The following ZNF469 variants were observed in gnomAD, a reference collection of about 807,000 sequenced individuals.
ZNF469 encodes the protein zinc finger protein 469.
A neutral mutation model predicts 1.0 loss-of-function variants in ZNF469; 1 was observed. The observed-to-expected ratio is 1.00, with a 90% CI of 0.35 to 4.73. The LOEUF is 4.73. Ranked by LOEUF, ZNF469 falls within the 30% of genes most tolerant of loss-of-function variation. The pLI is 0.16. For synonymous variants in ZNF469, 2,703 were observed against 2,363.4 expected (o/e 1.14, Z -4.17); for missense variants, 6,100 against 5,356.3 (o/e 1.14, Z -4.33).
At chr16:88,349,406 C>T in the ZNF469 span, among the ~76,000 whole-genome samples, 1 of 150,740 alleles carries the variant, frequency 6.6e-6, no homozygotes, top group Non-Finnish European at 1.5e-5. Flanking sequence ...ACACCAGGCA[C>T]CACACACACC....
chr16:88,319,295 T>G, the ZNF469 span, among the ~76,000 whole-genome samples: 1 of 152,104 alleles, frequency 6.6e-6, no homozygotes, highest in Non-Finnish European at 1.5e-5. Context: ...TCCTCACCAG[T>G]GTCGCCTAAA....
chr16:88,158,054 G>T, the ZNF469 span, among the ~76,000 whole-genome samples: 4 of 152,024 alleles, frequency 2.6e-5, no homozygotes, highest in Admixed American at 6.5e-5. Flanking sequence ...TGCTCCGGGG[G>T]TCTGCTCTTG....
chr16:88,312,478 C>T, the ZNF469 span, among the ~76,000 whole-genome samples: 1 of 152,216 alleles, frequency 6.6e-6, no homozygotes, highest in African/African-American at 2.4e-5. Flanking sequence ...CTCCCCAATT[C>T]TTCACTTGCT....
the ZNF469 span, among the ~76,000 whole-genome samples, chr16:88,172,847 A>G: frequency 6.6e-6 from 1 of 152,256 alleles, no homozygotes; most frequent in African/African-American, 2.4e-5. Flanking sequence ...GATTCACAGA[A>G]TAGAAGAAAA....
At chr16:88,120,125 G>T in the ZNF469 span, among the ~76,000 whole-genome samples, 2 of 152,190 alleles carry the variant, frequency 1.3e-5, no homozygotes, top group Non-Finnish European at 2.9e-5. Flanking sequence ...CCCGTGGAGG[G>T]GGAGGCATCG....
At chr16:88,202,727 G>T in the ZNF469 span, among the ~76,000 whole-genome samples, 1 of 152,214 alleles carries the variant, frequency 6.6e-6, no homozygotes, top group African/African-American at 2.4e-5. Flanking sequence ...CTCACCGTGT[G>T]CTGCATCCTC....
intron 2 of ZNF469, among the ~76,000 whole-genome samples, 27 bp from the exon 3 acceptor site, chr16:88,427,318 C>T (rs1272672241): frequency 6.6e-6 from 1 of 152,180 alleles, no homozygotes; most frequent in African/African-American, 2.4e-5. Flanking sequence ...CCCCTCTGCC[C>T]CACTCACCCC....
chr16:88,169,320 C>A, the ZNF469 span, among the ~76,000 whole-genome samples: 3 of 152,176 alleles, frequency 2.0e-5, no homozygotes, highest in Non-Finnish European at 4.4e-5. This position sits in a 1 kb window ranked among gnomAD's most constrained non-coding sequence, Gnocchi z 6.1. Flanking sequence ...AGTTGTGTGA[C>A]CAACATGGAA....
At chr16:88,214,252 G>T in the ZNF469 span, among the ~76,000 whole-genome samples, 1 of 152,188 alleles carries the variant, frequency 6.6e-6, no homozygotes, top group African/African-American at 2.4e-5. Context: ...CACGCCCAGG[G>T]GTTTTCCGGT....
chr16:88,365,780 G>T, the ZNF469 span, among the ~76,000 whole-genome samples: 1 of 152,166 alleles, frequency 6.6e-6, no homozygotes, highest in South Asian at 2.1e-4. Context: ...TACATCTGTG[G>T]TCGGGGTAAG....
chr16:88,398,558 A>T (rs1904762271), intron 1 of ZNF469, among the ~76,000 whole-genome samples: 1 of 83,456 alleles, frequency 1.2e-5, no homozygotes, highest in South Asian at 3.1e-4. Flanking sequence ...AGATGAAGAG[A>T]ATGCGCGAGC....
the ZNF469 span, among the ~76,000 whole-genome samples, chr16:88,266,429 G>A: frequency 1.7e-3 from 262 of 152,380 alleles, 2 homozygotes; most frequent in East Asian, 0.045. Context: ...GGAACCAGGA[G>A]CAGGGAAGGT....
At chr16:88,381,765 C>T (rs147754699), upstream of ZNF469, among the ~76,000 whole-genome samples, 1,019 of 152,374 alleles carry the variant, frequency 6.7e-3, 11 homozygotes, top group African/African-American at 0.023. Flanking sequence ...CCATGTGCTG[C>T]GATGCCAGCA....
upstream of ZNF469, among the ~76,000 whole-genome samples, chr16:88,381,145 C>T (rs563406801): frequency 8.2e-5 from 12 of 145,550 alleles, no homozygotes; most frequent in East Asian, 2.1e-4. Context: ...CACTCACACA[C>T]ACACTCACAC....
At chr16:88,256,037 C>T in the ZNF469 span, among the ~76,000 whole-genome samples, 8 of 152,178 alleles carry the variant, frequency 5.3e-5, no homozygotes, top group Non-Finnish European at 8.8e-5. Flanking sequence ...AACTTTAAAA[C>T]GGTGGTACTT....
chr16:88,412,933 C>T (rs142356660), intron 1 of ZNF469, among the ~76,000 whole-genome samples: 28 of 152,302 alleles, frequency 1.8e-4, no homozygotes, highest in African/African-American at 5.8e-4. Flanking sequence ...CAGCCACAGC[C>T]GGGGCCCGGG....
the ZNF469 span, among the ~76,000 whole-genome samples, chr16:88,315,547 G>A: frequency 1.3e-5 from 2 of 152,322 alleles, no homozygotes; most frequent in South Asian, 2.1e-4. Context: ...GACCAAGGGC[G>A]TGGCCAGGTG....
At chr16:88,409,510 C>A (rs994841736) in intron 1 of ZNF469, among the ~76,000 whole-genome samples, 1 of 152,116 alleles carries the variant, frequency 6.6e-6, no homozygotes, top group Admixed American at 6.5e-5. Context: ...GTGCTCAGGG[C>A]AGCAGCCGGG....
the ZNF469 span, among the ~76,000 whole-genome samples, chr16:88,293,001 G>T: frequency 6.6e-6 from 1 of 152,148 alleles, no homozygotes; most frequent in African/African-American, 2.4e-5. Context: ...GAAAGATTGA[G>T]ATCAATGGCA....
Sources: allele counts gnomAD v4.1 joint callset (sites outside exome capture counted in the v4.1 genomes callset), GRCh38; gene constraint gnomAD v4.1.1; non-coding constraint Gnocchi (gnomAD v3.1); transcripts MANE v1.5; gene names NCBI Gene and HGNC (gene_info 2026-07-23, HGNC 2026-07-21).